Variants in IKBKB observed in about 807,000 individuals in gnomAD.
IKBKB encodes the protein inhibitor of nuclear factor kappa B kinase subunit beta.
A neutral mutation model predicts 113.6 loss-of-function variants in IKBKB; 42 were observed. That is an observed-to-expected ratio of 0.37 (90% CI 0.29 to 0.48). The LOEUF is 0.48. IKBKB is among the 20% of genes least tolerant of loss of function. The probability of loss-of-function intolerance (pLI) is 0.99; values close to 1 mark genes in which losing one functional copy is unlikely to be tolerated. For synonymous variants in IKBKB, 296 were observed against 361.3 expected, an observed-to-expected ratio of 0.82 and a Z score of 2.05; for missense variants, 673 against 939.7, an observed-to-expected ratio of 0.72 and a Z score of 3.71.
At chr8:42,315,819 C>T (rs561310130) in intron 9 of IKBKB, among the ~76,000 whole-genome samples, 38 of 152,218 alleles carry the variant, frequency 2.5e-4, no homozygotes, top group South Asian at 4.2e-4. Context: ...TGCATCACCA[C>T]GCCTGGCTAA....
chr8:42,320,665 T>A, intron 15 of IKBKB, 70 bp from the exon 16 acceptor site: 1 of 1,285,608 alleles, frequency 7.8e-7, no homozygotes, highest in Non-Finnish European at 1.1e-6. Context: ...CTGGTCTCGC[T>A]CCCCCGCAGA....
At chr8:42,320,696 C>A in intron 15 of IKBKB, 39 bp from the exon 16 acceptor site, 1 of 1,538,896 alleles carries the variant, frequency 6.5e-7, no homozygotes, top group South Asian at 1.1e-5. Context: ...CAGCATGCGC[C>A]TACCACATCA....
At chr8:42,321,779 G>T in intron 16 of IKBKB, 117 bp from the exon 17 acceptor site, 1 of 678,406 alleles carries the variant, frequency 1.5e-6, no homozygotes, top group South Asian at 2.0e-5. Context: ...TTGCTTGTGA[G>T]CCCAGAAGTT....
intron 6 of IKBKB, among the ~76,000 whole-genome samples, chr8:42,305,544 CCT>C (rs1816333872): frequency 6.6e-6 from 1 of 152,238 alleles, no homozygotes; most frequent in Non-Finnish European, 1.5e-5. Flanking sequence ...CCACCCCTAG[CCT>C]CTGGGACTAG....
In IKBKB at chr8:42,329,121, T is replaced by C. The variant is rs943205824; in HGVS notation, c.2115-3T>C. On this transcript the variant is annotated splice_polypyrimidine_tract_variant and splice_region_variant and intron_variant, in intron 20 of 21. Coordinates refer to ENST00000520810, the MANE Select transcript of IKBKB (RefSeq NM_001556.3). ...TTTCTAATAATTTGATCATTTTCTT[T>C]AGTGAAGAACTGGTGGCTGAAGCAC... 9 of 1,602,290 alleles carry C rather than the reference T, an allele frequency of 5.6e-6. No homozygotes were observed. The highest frequency in any genetic ancestry group is 7.7e-6 in the Non-Finnish European group (9 of 1,175,652).
intron 15 of IKBKB, 178 bp downstream of exon 15, chr8:42,319,824 G>T: frequency 1.7e-6 from 1 of 581,026 alleles, no homozygotes; most frequent in Non-Finnish European, 3.0e-6. Context: ...AGTGAAGGGA[G>T]CCCCTCTGTG....
At chr8:42,306,578 G>A (rs1412775353) in intron 7 of IKBKB, 146 bp downstream of exon 7, 1 of 623,208 alleles carries the variant, frequency 1.6e-6, no homozygotes, top group African/African-American at 1.8e-5. Flanking sequence ...CCATAACCTG[G>A]TCGAGTCAGC....
In IKBKB at chr8:42,301,027, T is replaced by A. The variant is rs7387285; in HGVS notation, c.389-4160T>A. On this transcript the variant is annotated intron_variant, in intron 5 of 21. Coordinates refer to ENST00000520810, the MANE Select transcript of IKBKB (RefSeq NM_001556.3). Reference sequence around the variant, plus strand: ...CGCCACCATGCCTGGCTAATTAAAATTTTTTTTTTTGTAGAGACAGGGTCT... The same window carrying A: ...CGCCACCATGCCTGGCTAATTAAAAATTTTTTTTTTGTAGAGACAGGGTCT... Among the ~76,000 whole-genome samples the A allele has an allele frequency of 2.0e-4, 30 of 147,968 alleles. No individual in the cohort carries two copies. The East Asian group carries it at 4.9e-3, about 24-fold the overall frequency.
Position 42,316,778 on chromosome 8 carries a change from G to A in IKBKB, c.999G>A (p.Leu333=). ...ACCCTGTGACAGAGGATGAGAGTCT[G>A]CAGAGCTTGAAGGCCAGAATCCAAC... ...HTYPVTEDES[L]QSLKARIQQD... The change falls in exon 11 of 22, where the codon CTG becomes CTA. Residue 333 remains leucine, a synonymous_variant. Transcript: ENST00000520810. This position sits in a 1 kb window ranked among gnomAD's most constrained non-coding sequence, Gnocchi z 4.5. The A allele has an allele frequency of 1.2e-6, 2 of 1,614,192 alleles. No homozygotes were observed. The highest frequency in any genetic ancestry group is 1.7e-6 in the Non-Finnish European group (2 of 1,180,028).
intron 5 of IKBKB, among the ~76,000 whole-genome samples, chr8:42,302,025 C>A (rs1342028071): frequency 6.6e-6 from 1 of 152,216 alleles, no homozygotes; most frequent in Non-Finnish European, 1.5e-5. Context: ...TACTCTCCAG[C>A]AGTCTGTCAT....
At chr8:42,293,656 G>C in intron 5 of IKBKB, 144 bp downstream of exon 5, 1 of 1,403,632 alleles carries the variant, frequency 7.1e-7, no homozygotes, top group African/African-American at 1.4e-5. Context: ...GGGGGACCCT[G>C]GTGGAGTAGG....
chr8:42,304,419 G>A (rs1186038475), intron 5 of IKBKB, among the ~76,000 whole-genome samples: 1 of 152,090 alleles, frequency 6.6e-6, no homozygotes, highest in African/African-American at 2.4e-5. Flanking sequence ...ACATCATCAC[G>A]TTGCCTCCTC....
intron 2 of IKBKB, among the ~76,000 whole-genome samples, chr8:42,280,698 A>AT (rs1810196875): frequency 6.6e-6 from 1 of 152,158 alleles, no homozygotes; most frequent in African/African-American, 2.4e-5. Context: ...TTCTGTGTAC[A>AT]CTTGGCTGTG....
Position 42,271,362 on chromosome 8 carries a change from C to T in IKBKB, c.-126C>T. On this transcript the variant is annotated 5_prime_UTR_variant, in exon 1 of 22. Transcript: ENST00000520810. ...GCCGCGCTGCCCGCGTTAAGATTCC[C>T]GCATTTTAATGTTTTCAGGGGGGTG... 1 of 1,459,722 alleles carries T rather than the reference C, an allele frequency of 6.9e-7. No homozygotes were observed. The highest frequency in any genetic ancestry group is 1.2e-5 in the South Asian group (1 of 82,630). 90.4% of individuals were successfully genotyped at this position (1,459,722 alleles called of 1,614,324 possible).
intron 8 of IKBKB, among the ~76,000 whole-genome samples, chr8:42,311,955 C>T (rs889523137): frequency 3.3e-5 from 5 of 152,120 alleles, no homozygotes; most frequent in African/African-American, 7.2e-5. Context: ...GGCGCGATCG[C>T]GGCTCACTGC....
chr8:42,300,106 C>T (rs751602824), intron 5 of IKBKB, among the ~76,000 whole-genome samples: 9 of 152,350 alleles, frequency 5.9e-5, no homozygotes, highest in East Asian at 1.9e-4. Flanking sequence ...TGGCACCCAA[C>T]GTTACTGCCT....
chr8:42,288,773 AGCCCCC>A, intron 3 of IKBKB, 45 bp downstream of exon 3: 1 of 1,470,278 alleles, frequency 6.8e-7, no homozygotes, highest in Non-Finnish European at 9.4e-7. Context: ...CTGGAGCAGC[AGCCCCC>A]GGTGTGTCTA....
At chr8:42,281,661 C>T (rs999839710) in intron 2 of IKBKB, among the ~76,000 whole-genome samples, 27 of 152,186 alleles carry the variant, frequency 1.8e-4, no homozygotes, top group African/African-American at 5.1e-4. Context: ...AGCTGGATCC[C>T]GGACCTTTTT....
rs1004022091 is a variant in IKBKB at position 42,283,440 on chromosome 8, T to TG, written c.106-5189dup. Among the ~76,000 whole-genome samples, 10 of 152,234 alleles carry TG rather than the reference T, an allele frequency of 6.6e-5. No homozygotes were observed. In the East Asian group the frequency reaches 7.7e-4, roughly 12 times the overall value. On this transcript the variant is annotated intron_variant, in intron 2 of 21. Coordinates refer to ENST00000520810, the MANE Select transcript of IKBKB (RefSeq NM_001556.3). ...ACCTTAGAGATTGGCCTGGCTTCCCTGGGGGTCCCAGTGTAATCCCAAGGG... is the reference window on the plus strand; with the variant it reads ...ACCTTAGAGATTGGCCTGGCTTCCCTGGGGGGTCCCAGTGTAATCCCAAGGG...
Sources: allele counts gnomAD v4.1 joint callset (sites outside exome capture counted in the v4.1 genomes callset), GRCh38; gene constraint gnomAD v4.1.1; non-coding constraint Gnocchi (gnomAD v3.1); transcripts MANE v1.5; gene names NCBI Gene and HGNC (gene_info 2026-07-23, HGNC 2026-07-21).